The following SEMA4F variants were observed in gnomAD, a reference collection of about 807,000 sequenced individuals.
SEMA4F encodes the protein semaphorin-4F.
SEMA4F carries 51 observed loss-of-function variants against 78.4 expected under a neutral mutation model. The observed-to-expected ratio is 0.65, with a 90% CI of 0.52 to 0.82. The LOEUF (loss-of-function observed/expected upper bound fraction) is 0.82. SEMA4F is among the 40% of genes least tolerant of loss of function. The pLI is 0.00. For synonymous variants in SEMA4F, 418 were observed against 408.7 expected (o/e 1.02, Z -0.27); for missense variants, 938 against 1,014.4 (o/e 0.92, Z 1.02).
At position 74,662,768 on chromosome 2, in the gene SEMA4F, A is replaced by G. The variant is rs753539889; in HGVS notation, c.493A>G (p.Ser165Gly). 2 of 1,614,140 alleles carry G rather than the reference A, an allele frequency of 1.2e-6. No homozygotes were observed. Among genetic ancestry groups the G allele is most frequent in the Non-Finnish European group, 1.7e-6 (2 of 1,180,000 alleles). Residue 165 changes from serine to glycine, a missense_variant, in exon 5 of 14, where the codon AGT (serine) becomes GGT (glycine). Ser to Gly is a moderately conservative substitution (Grantham distance 56). Coordinates refer to ENST00000357877, the MANE Select transcript of SEMA4F (RefSeq NM_004263.5). ...GTTCCAGCAGGTTGAAAGACTTGAG[A>G]GTGGCCGGGGGAAATGTCCTTTTGA... is the stretch of plus-strand genomic sequence containing the variant. Reference protein sequence around the residue: ...SRFQQVERLESGRGKCPFEPA... With the variant: ...SRFQQVERLEGGRGKCPFEPA...
the SEMA4F span, among the ~76,000 whole-genome samples, chr2:74,695,900 C>T: frequency 3.3e-5 from 5 of 152,176 alleles, no homozygotes; most frequent in South Asian, 6.2e-4. Flanking sequence ...ACACAGGGTG[C>T]GATCCAGGAA....
At chr2:74,665,601 G>A (rs901330411) in intron 5 of SEMA4F, among the ~76,000 whole-genome samples, 2 of 152,140 alleles carry the variant, frequency 1.3e-5, no homozygotes, top group Admixed American at 1.3e-4. Flanking sequence ...TTTTGAAAAT[G>A]AGCATAAAGT....
the SEMA4F span, among the ~76,000 whole-genome samples, chr2:74,689,962 T>A: frequency 3.3e-5 from 5 of 152,230 alleles, no homozygotes; most frequent in African/African-American, 1.2e-4. Context: ...TACCAGTTCT[T>A]CACTGGCTTT....
chr2:74,654,583 GCTC>G lies in SEMA4F; in HGVS notation c.145+66_145+68del. 3.6e-6 allele frequency: 5 copies of G among 1,404,980 alleles called. No homozygotes were observed. The Admixed American group carries it at 1.0e-4, about 28-fold the overall frequency. The allele number at this position is 1,404,980 out of a possible 1,614,324, so 87.0% of individuals were successfully genotyped here. A position where few individuals can be genotyped will look rare whatever the true frequency, so the allele number is the denominator to read the frequency against. On this transcript the variant is annotated intron_variant, in intron 1 of 13. Transcript: ENST00000357877. ...CCCACACCCACACCCACACCCACCT[GCTC>G]CTCAGACCGCTCGGCCGGACCCGGG... is the stretch of plus-strand genomic sequence containing the variant.
chr2:74,688,826 T>C (rs374285490), downstream of SEMA4F, among the ~76,000 whole-genome samples: 31 of 152,340 alleles, frequency 2.0e-4, no homozygotes, highest in South Asian at 2.1e-3. Context: ...GTTTCTTACA[T>C]AGAAAATCTA....
At chr2:74,673,954 C>G (rs745541855) in intron 7 of SEMA4F, 126 bp downstream of exon 7, 673 of 1,155,246 alleles carry the variant, frequency 5.8e-4, no homozygotes, top group Non-Finnish European at 7.7e-4. Flanking sequence ...GCCTTGACTT[C>G]TCTTCTGGGA....
At chr2:74,708,042 T>C in the SEMA4F span, among the ~76,000 whole-genome samples, 1 of 152,056 alleles carries the variant, frequency 6.6e-6, no homozygotes, top group Non-Finnish European at 1.5e-5. Flanking sequence ...AGTCCCATGA[T>C]TCCTGGGGCA....
At chr2:74,679,490 G>A (rs1558736585) in intron 13 of SEMA4F, 109 bp from the exon 14 acceptor site, 1 of 1,504,472 alleles carries the variant, frequency 6.6e-7, no homozygotes, top group African/African-American at 1.4e-5. Flanking sequence ...CCCCTTTTTA[G>A]CTTAGTCTCC....
At chr2:74,691,228 C>A in the SEMA4F span, among the ~76,000 whole-genome samples, 2 of 152,042 alleles carry the variant, frequency 1.3e-5, no homozygotes, top group Admixed American at 1.3e-4. Context: ...ATATGTCAAC[C>A]GTAAAAATAC....
chr2:74,656,592 C>G lies in SEMA4F; in HGVS notation c.204C>G (p.Leu68=). The change falls in exon 2 of 14, where the codon CTC becomes CTG. Residue 68 remains leucine (L), a synonymous_variant. Coordinates refer to ENST00000357877, the MANE Select transcript of SEMA4F (RefSeq NM_004263.5). ...CTCACACATACAATTACTCTGTTCTCCTTGTGGATCCTGCCTCCCACACAC... is the reference window on the plus strand; with the variant it reads ...CTCACACATACAATTACTCTGTTCTGCTTGTGGATCCTGCCTCCCACACAC... ...AVPHTYNYSV[L]LVDPASHTLY... is the part of the protein sequence containing the mutation. The G allele has an allele frequency of 2.5e-6, 4 of 1,614,160 alleles. No individual in the cohort carries two copies. The highest frequency in any genetic ancestry group is 3.4e-6 in the Non-Finnish European group (4 of 1,179,998).
chr2:74,675,426 A>C (rs373149698), intron 10 of SEMA4F, 42 bp downstream of exon 10: 7 of 1,599,792 alleles, frequency 4.4e-6, no homozygotes, highest in African/African-American at 4.0e-5. Flanking sequence ...TAGTGCATAC[A>C]CATTCTCGTC....
chr2:74,662,565 G>A (rs1684481173), intron 4 of SEMA4F, among the ~76,000 whole-genome samples, 167 bp from the exon 5 acceptor site: 1 of 152,140 alleles, frequency 6.6e-6, no homozygotes, highest in South Asian at 2.1e-4. Flanking sequence ...GAGTAGATGG[G>A]GGCATCAGGA....
the SEMA4F span, among the ~76,000 whole-genome samples, chr2:74,693,839 AGTTT>A: frequency 6.6e-6 from 1 of 151,844 alleles, no homozygotes; most frequent in African/African-American, 2.4e-5. Context: ...GTTGTGTCAT[AGTTT>A]GTTTATTCAA....
At chr2:74,656,768 C>A in intron 2 of SEMA4F, 83 bp downstream of exon 2, 3 of 1,423,220 alleles carry the variant, frequency 2.1e-6, no homozygotes, top group Admixed American at 1.8e-5. Context: ...TGGGGGATTT[C>A]ATAATAACTA....
At chr2:74,687,077 A>C (rs1685839373), downstream of SEMA4F, among the ~76,000 whole-genome samples, 1 of 152,256 alleles carries the variant, frequency 6.6e-6, no homozygotes, top group African/African-American at 2.4e-5. Context: ...TTAGAATGAA[A>C]TCCAAATCCT....
the SEMA4F span, among the ~76,000 whole-genome samples, chr2:74,696,230 C>G: frequency 4.3e-4 from 53 of 122,394 alleles, no homozygotes; most frequent in African/African-American, 1.6e-3. Context: ...GAGTCTCACT[C>G]TTTCGCCCAG....
chr2:74,666,943 G>A (rs1304788842), intron 5 of SEMA4F, among the ~76,000 whole-genome samples: 3 of 152,066 alleles, frequency 2.0e-5, no homozygotes, highest in Admixed American at 6.5e-5. Context: ...AAGTAAAAAT[G>A]TTATTTGTAA....
In SEMA4F at chr2:74,654,411, C is replaced by G. The variant is rs765847346; in HGVS notation, c.35C>G (p.Pro12Arg). The change falls in exon 1 of 14, where the codon CCC becomes CGC. Residue 12 changes from proline to arginine, a missense_variant. Pro to Arg is a moderately radical substitution (Grantham distance 103). Transcript: ENST00000357877. ...TCTGCTGCGCGGCCCCGCCCGGGTC[C>G]CGGGCAGCCTACAGCCTCGCCCTTC... ...PASAARPRPG[P>R]GQPTASPFPL... The G allele has an allele frequency of 5.2e-6, 8 of 1,539,784 alleles. No homozygotes were observed. The African/African-American group carries it at 1.0e-4, about 19-fold the overall frequency.
At position 74,674,735 on chromosome 2, in the gene SEMA4F, A is replaced by C. The variant is rs898545050; in HGVS notation, c.1001+59A>C. The C allele has an allele frequency of 5.7e-6, 9 of 1,583,922 alleles. No individual in the cohort carries two copies. In the Admixed American group the frequency reaches 7.0e-5, roughly 12 times the overall value. ...GTGGGAGATATGTGGGGTTGGCACA[A>C]TGTCAGTGTTGTCTCTTCCAGAGGG... On this transcript the variant is annotated intron_variant, in intron 8 of 13. Coordinates refer to ENST00000357877, the MANE Select transcript of SEMA4F (RefSeq NM_004263.5).
Sources: gnomAD v4.1 joint callset for allele counts (sites outside exome capture counted in the v4.1 genomes callset) on GRCh38, gnomAD v4.1.1 for gene constraint, MANE v1.5 for transcripts, NCBI Gene and HGNC (gene_info 2026-07-23, HGNC 2026-07-21) for gene names.